OPHN1: variants seen among roughly 807,000 people sequenced by gnomAD.
The protein encoded by OPHN1 is oligophrenin-1.
In OPHN1, 11 loss-of-function variants were observed where a neutral mutation model predicts 60.7. The observed-to-expected ratio is 0.18, with a 90% CI of 0.11 to 0.30. The LOEUF (loss-of-function observed/expected upper bound fraction) is 0.30. Ranked by LOEUF, OPHN1 falls within the 10% of genes least tolerant of loss-of-function variation. The probability of loss-of-function intolerance (pLI) is 1.00; values close to 1 mark genes in which losing one functional copy is unlikely to be tolerated. For synonymous variants in OPHN1, 226 were observed against 222.6 expected (o/e 1.02, Z -0.14); for missense variants, 449 against 611.0 (o/e 0.73, Z 2.80).
intron 15 of OPHN1, among the ~76,000 whole-genome samples, chrX:68,166,870 C>A (rs745996816): frequency 8.9e-6 from 1 of 112,060 alleles, no homozygotes; most frequent in East Asian, 2.8e-4. Flanking sequence ...TATCTCTTGC[C>A]TAAATCAAAT....
intron 11 of OPHN1, among the ~76,000 whole-genome samples, chrX:68,198,358 G>A (rs1796413559): frequency 9.0e-6 from 1 of 111,417 alleles, no homozygotes; most frequent in South Asian, 3.8e-4. Flanking sequence ...ACAGAGACCA[G>A]GCCCTCACCA....
intron 15 of OPHN1, among the ~76,000 whole-genome samples, chrX:68,149,586 A>G (rs964636587): frequency 6.3e-5 from 7 of 111,435 alleles, no homozygotes; most frequent in African/African-American, 2.3e-4. Context: ...AATCAAAACC[A>G]CAAATAGATA....
intron 4 of OPHN1, among the ~76,000 whole-genome samples, chrX:68,275,821 G>C: frequency 9.0e-6 from 1 of 111,428 alleles, no homozygotes; most frequent in East Asian, 2.8e-4. Context: ...TGGGGCATTA[G>C]TGCATAGGTT....
chrX:68,269,919 G>C (rs1299916239), intron 5 of OPHN1, among the ~76,000 whole-genome samples: 1 of 111,950 alleles, frequency 8.9e-6, no homozygotes, highest in Non-Finnish European at 1.9e-5. Flanking sequence ...CCATCAAAAA[G>C]TGGGCAAAGA....
intron 5 of OPHN1, among the ~76,000 whole-genome samples, chrX:68,244,976 T>G (rs1054622451): frequency 8.9e-6 from 1 of 111,874 alleles, no homozygotes; most frequent in Admixed American, 9.5e-5. Flanking sequence ...CTAGGTTATA[T>G]ACTAGGAAAG....
intron 6 of OPHN1, among the ~76,000 whole-genome samples, chrX:68,225,117 CT>C: frequency 8.9e-6 from 1 of 112,161 alleles, no homozygotes; most frequent in Non-Finnish European, 1.9e-5. Context: ...CGGAGCCTCT[CT>C]TACTGCAAGC....
In OPHN1 at chrX:68,113,333, CCCTA is replaced by C. The variant is rs760316142; in HGVS notation, c.1362-98_1362-95del. ...GGACAGCAAGGCTGAAGTTCCTGAG[CCCTA>C]CAGCTTAGTGGGATTATATACATTT... is the stretch of plus-strand genomic sequence containing the variant. On this transcript the variant is annotated intron_variant, in intron 16 of 24. Coordinates refer to ENST00000355520, the MANE Select transcript of OPHN1 (RefSeq NM_002547.3). 3.4e-5 allele frequency: 23 copies of C among 680,231 alleles called. No individual in the cohort carries two copies. The East Asian group carries it at 7.1e-4, about 21-fold the overall frequency. 56.1% of individuals were successfully genotyped at this position (680,231 alleles called of 1,213,427 possible). A position where few individuals can be genotyped will look rare whatever the true frequency, so the allele number is the denominator to read the frequency against.
chrX:68,053,933 C>A, intron 21 of OPHN1, 123 bp from the exon 22 acceptor site: 10 of 627,991 alleles, frequency 1.6e-5, no homozygotes, highest in Non-Finnish European at 2.4e-5. Context: ...TTCTTGGTGA[C>A]TAACAACTCT....
intron 15 of OPHN1, among the ~76,000 whole-genome samples, chrX:68,165,959 G>A (rs2077356296): frequency 8.9e-6 from 1 of 112,102 alleles, no homozygotes; most frequent in Admixed American, 9.5e-5. Context: ...GAGAAGGGAA[G>A]CCTACTCGAG....
At chrX:68,295,655 C>T (rs946077799) in intron 3 of OPHN1, among the ~76,000 whole-genome samples, 21 of 112,393 alleles carry the variant, frequency 1.9e-4, no homozygotes, top group African/African-American at 6.5e-4. Context: ...TGAAAAAAGT[C>T]ACGGTCAGAT....
In OPHN1 at chrX:68,053,784, G is replaced by T. The variant is rs1265135988; in HGVS notation, c.2185C>A (p.Arg729=). Residue 729 remains arginine (R), a synonymous_variant, in exon 22 of 25, where the codon CGG becomes AGG. Transcript: ENST00000355520. ...ATGGTTGGCTTTTCTCCTGGAGGCCGCACTTTGCTGAAACTGTCAGCATCC... is the reference window on the plus strand; with the variant it reads ...ATGGTTGGCTTTTCTCCTGGAGGCCTCACTTTGCTGAAACTGTCAGCATCC... ...EGDADSFSKV[R]PPGEKPTIIR... is the part of the protein sequence containing the mutation. 2 of 1,209,677 alleles carry T rather than the reference G, an allele frequency of 1.7e-6. No individual in the cohort carries two copies. The highest frequency in any genetic ancestry group is 3.5e-5 in the African/African-American group (2 of 57,474).
At chrX:68,150,031 T>C (rs748298323) in intron 15 of OPHN1, among the ~76,000 whole-genome samples, 1 of 111,680 alleles carries the variant, frequency 9.0e-6, no homozygotes, top group Admixed American at 9.6e-5. Flanking sequence ...TTATGCTCAG[T>C]GAAAGAGGCC....
chrX:68,426,460 T>C (rs1349974047), intron 2 of OPHN1, among the ~76,000 whole-genome samples: 1 of 100,180 alleles, frequency 1.0e-5, no homozygotes, highest in Admixed American at 1.1e-4. Context: ...AAAAAAAACA[T>C]GAGTTTTCAT....
intron 2 of OPHN1, among the ~76,000 whole-genome samples, chrX:68,324,548 G>T (rs1185910448): frequency 9.4e-6 from 1 of 106,592 alleles, no homozygotes; most frequent in Non-Finnish European, 1.9e-5. Context: ...GGAGTTCAAG[G>T]CTGCAGTGTC....
At chrX:68,074,933 G>A (rs899953527) in intron 19 of OPHN1, among the ~76,000 whole-genome samples, 3 of 111,962 alleles carry the variant, frequency 2.7e-5, no homozygotes, top group Non-Finnish European at 5.6e-5. Flanking sequence ...ACTATTAACA[G>A]CTACTAACTA....
At chrX:68,255,715 C>T (rs539600462) in intron 5 of OPHN1, among the ~76,000 whole-genome samples, 8 of 109,630 alleles carry the variant, frequency 7.3e-5, no homozygotes, top group African/African-American at 2.3e-4. Flanking sequence ...AACTAAACCC[C>T]GCTCTACATA....
chrX:68,254,333 T>G (rs2077850816), intron 5 of OPHN1, among the ~76,000 whole-genome samples: 2 of 111,657 alleles, frequency 1.8e-5, no homozygotes, highest in South Asian at 3.8e-4. Flanking sequence ...AGTGCCTCTG[T>G]GATTATTATA....
chrX:68,182,755 T>C (rs1388765393), intron 15 of OPHN1, among the ~76,000 whole-genome samples: 1 of 110,748 alleles, frequency 9.0e-6, no homozygotes, highest in Non-Finnish European at 1.9e-5. Flanking sequence ...TACCAAAAAA[T>C]ACAAAAATTA....
intron 5 of OPHN1, among the ~76,000 whole-genome samples, chrX:68,238,483 T>G (rs1047967618): frequency 2.7e-5 from 3 of 110,651 alleles, no homozygotes; most frequent in East Asian, 2.9e-4. Context: ...ATTTATAGAT[T>G]AATTAGAGGA....
Sources: allele counts gnomAD v4.1 joint callset (sites outside exome capture counted in the v4.1 genomes callset), GRCh38; gene constraint gnomAD v4.1.1; transcripts MANE v1.5; gene names NCBI Gene and HGNC (gene_info 2026-07-23, HGNC 2026-07-21).